GRID2: variants seen among roughly 807,000 people sequenced by gnomAD.
GRID2 encodes the protein glutamate ionotropic receptor delta type subunit 2, also known as glutamate receptor ionotropic, delta-2.
In GRID2, 33 loss-of-function variants were observed where a neutral mutation model predicts 114.8. That is an observed-to-expected ratio of 0.29 (90% CI 0.22 to 0.38). GRID2 has a LOEUF of 0.38. GRID2 is among the 10% of genes least tolerant of loss of function. The pLI is 1.00. For synonymous variants in GRID2, 505 were observed against 449.9 expected, an observed-to-expected ratio of 1.12 and a Z score of -1.55; for missense variants, 1,184 against 1,257.7, an observed-to-expected ratio of 0.94 and a Z score of 0.89.
chr4:93,230,139 T>A (rs1162258414), intron 7 of GRID2, among the ~76,000 whole-genome samples: 2 of 115,638 alleles, frequency 1.7e-5, no homozygotes, highest in Non-Finnish European at 3.7e-5. Context: ...ATAGGATGTG[T>A]GTGTATGCGT....
chr4:93,772,512 CT>C lies in GRID2; in HGVS notation c.*15del, dbSNP rs1384923430. The C allele has an allele frequency of 1.3e-6, 2 of 1,537,958 alleles. No individual in the cohort carries two copies. Among genetic ancestry groups the C allele is most frequent in the African/African-American group, 2.8e-5 (2 of 72,274 alleles). ...ACCTCCATATGAGCATCAAACAAAT[CT>C]CTTCACTGTTTCTTTTTTAGGACTC... is the stretch of plus-strand genomic sequence containing the variant. On this transcript the variant is annotated 3_prime_UTR_variant, in exon 16 of 16. Coordinates refer to ENST00000282020, the MANE Select transcript of GRID2 (RefSeq NM_001510.4).
intron 8 of GRID2, among the ~76,000 whole-genome samples, chr4:93,306,924 G>A (rs1001586654): frequency 2.0e-5 from 3 of 152,082 alleles, no homozygotes; most frequent in South Asian, 2.1e-4. Context: ...GGGGCCAGGC[G>A]CGGTGGCTCA....
chr4:93,559,362 T>A (rs1335982472), intron 13 of GRID2, among the ~76,000 whole-genome samples: 5 of 152,028 alleles, frequency 3.3e-5, no homozygotes, highest in African/African-American at 1.2e-4. Context: ...ATATACAGAA[T>A]CTACAAGGAG....
intron 8 of GRID2, among the ~76,000 whole-genome samples, chr4:93,316,327 A>AGAAAG (rs1756634942): frequency 4.2e-5 from 2 of 48,128 alleles, no homozygotes; most frequent in African/African-American, 2.0e-4. Flanking sequence ...AAAGAAAGAA[A>AGAAAG]GAAAGAAAGA....
chr4:93,614,474 A>G (rs1350448549), intron 13 of GRID2, among the ~76,000 whole-genome samples: 3 of 152,344 alleles, frequency 2.0e-5, no homozygotes, highest in African/African-American at 7.2e-5. Flanking sequence ...ATCAAAACCC[A>G]TAAAATATAG....
intron 14 of GRID2, among the ~76,000 whole-genome samples, chr4:93,681,116 A>G (rs904034584): frequency 2.6e-5 from 4 of 151,474 alleles, no homozygotes; most frequent in African/African-American, 9.8e-5. Flanking sequence ...AAAAATCACA[A>G]GCATTCTTAT....
At chr4:93,689,101 G>C (rs757327806) in intron 14 of GRID2, among the ~76,000 whole-genome samples, 1 of 151,930 alleles carries the variant, frequency 6.6e-6, no homozygotes, top group Non-Finnish European at 1.5e-5. Flanking sequence ...AGAAGACGAC[G>C]TGAAGACAAT....
chr4:92,341,585 T>A (rs1056962016), intron 1 of GRID2, among the ~76,000 whole-genome samples: 1 of 152,102 alleles, frequency 6.6e-6, no homozygotes, highest in Non-Finnish European at 1.5e-5. Flanking sequence ...TCAAGGTTCA[T>A]CTATTGGACA....
chr4:93,560,313 G>GTAAATTAAA lies in GRID2; in HGVS notation c.2193+44903_2193+44904insAAATTAAAT, dbSNP rs2149561779. Among the ~76,000 whole-genome samples, 4 of 149,922 alleles carry GTAAATTAAA rather than the reference G, an allele frequency of 2.7e-5. No individual in the cohort carries two copies. In the South Asian group the frequency reaches 8.5e-4, roughly 32 times the overall value. ...AGGAAAGAGGTTTAATTGGCTCATGGTTCTGCAGGCTATACAAACATGGCA... is the reference window on the plus strand; with the variant it reads ...AGGAAAGAGGTTTAATTGGCTCATGGTAAATTAAATTCTGCAGGCTATACAAACATGGCA... On this transcript the variant is annotated intron_variant, in intron 13 of 15. Transcript: ENST00000282020.
At chr4:93,122,565 T>C (rs1393527173) in intron 4 of GRID2, among the ~76,000 whole-genome samples, 1 of 152,184 alleles carries the variant, frequency 6.6e-6, no homozygotes, top group East Asian at 1.9e-4. Flanking sequence ...TTCGTGATGC[T>C]GGATTCTATG....
At chr4:92,321,458 T>TAC (rs1726313171) in intron 1 of GRID2, among the ~76,000 whole-genome samples, 1 of 152,224 alleles carries the variant, frequency 6.6e-6, no homozygotes, top group Non-Finnish European at 1.5e-5. Context: ...CATCTTTGTT[T>TAC]AGAGTCTAGC....
intron 1 of GRID2, among the ~76,000 whole-genome samples, chr4:92,384,535 A>T (rs1444164393): frequency 4.1e-5 from 2 of 48,270 alleles, no homozygotes; most frequent in African/African-American, 1.6e-4. Context: ...TATAATATAT[A>T]ATATAATATA....
chr4:93,205,897 T>C (rs1742697742), intron 4 of GRID2, among the ~76,000 whole-genome samples: 1 of 152,120 alleles, frequency 6.6e-6, no homozygotes, highest in Non-Finnish European at 1.5e-5. Context: ...TTTGCATTTC[T>C]CTGATGGCCA....
intron 1 of GRID2, among the ~76,000 whole-genome samples, chr4:92,411,751 G>GCTGCA (rs1731339352): frequency 6.7e-6 from 1 of 149,470 alleles, no homozygotes; most frequent in Non-Finnish European, 1.5e-5. Context: ...TGTCGCCCAG[G>GCTGCA]CTGGAGTGCA....
At position 93,143,073 on chromosome 4, in the gene GRID2, C is replaced by T. The variant is rs144191701; in HGVS notation, c.735+32120C>T. Among the ~76,000 whole-genome samples, 5 of 152,272 alleles carry T rather than the reference C, an allele frequency of 3.3e-5. No homozygotes were observed. In the East Asian group the frequency reaches 9.7e-4, roughly 29 times the overall value. On this transcript the variant is annotated intron_variant, in intron 4 of 15. Coordinates refer to ENST00000282020, the MANE Select transcript of GRID2 (RefSeq NM_001510.4). ...TTTTATAATAGGCTGCAAGAAATCC[C>T]ATGTCTTGCCCCAGAAGGAGGCAGT...
At chr4:92,775,332 T>G (rs536534222) in intron 2 of GRID2, among the ~76,000 whole-genome samples, 1 of 152,320 alleles carries the variant, frequency 6.6e-6, no homozygotes, top group Admixed American at 6.5e-5. Context: ...TGTTGACTAC[T>G]GTTTCCTTGA....
In GRID2 at chr4:92,422,599, G is replaced by T. The variant is rs539343843; in HGVS notation, c.88+117855G>T. 8.7e-4 allele frequency among the ~76,000 whole-genome samples: 132 copies of T among 152,128 alleles called. 1 individual carries two copies. The highest frequency in any genetic ancestry group is 2.5e-4 in the Non-Finnish European group (17 of 67,996). On this transcript the variant is annotated intron_variant, in intron 1 of 15. Coordinates refer to ENST00000282020, the MANE Select transcript of GRID2 (RefSeq NM_001510.4). ...GAAGCTGTCCTCTTGTGTTGAGTCT[G>T]TTCCTGGGTGGGGGCCACAAGATCA...
chr4:93,536,917 C>CCATATATCT (rs746289811), intron 13 of GRID2, among the ~76,000 whole-genome samples: 14 of 151,420 alleles, frequency 9.2e-5, no homozygotes, highest in Admixed American at 2.6e-4. Flanking sequence ...TTGATGTATT[C>CCATATATCT]CATATATCTT....
chr4:93,379,089 T>C (rs904652863), intron 8 of GRID2, among the ~76,000 whole-genome samples: 19 of 152,088 alleles, frequency 1.2e-4, no homozygotes, highest in African/African-American at 4.6e-4. Context: ...ATACTTCATA[T>C]AGAGGATATG....
Sources: gnomAD v4.1 joint callset for allele counts (sites outside exome capture counted in the v4.1 genomes callset) on GRCh38, gnomAD v4.1.1 for gene constraint, MANE v1.5 for transcripts, NCBI Gene and HGNC (gene_info 2026-07-23, HGNC 2026-07-21) for gene names.